CACNA2D1: variants seen among roughly 807,000 people sequenced by gnomAD.
CACNA2D1 encodes the protein calcium voltage-gated channel auxiliary subunit alpha2delta 1.
In CACNA2D1, 53 loss-of-function variants were observed where a neutral mutation model predicts 171.5. The observed-to-expected ratio is 0.31, with a 90% CI of 0.25 to 0.39. CACNA2D1 has a LOEUF of 0.39. CACNA2D1 is among the 10% of genes least tolerant of loss of function. The pLI, the probability that CACNA2D1 is intolerant of heterozygous loss-of-function variation, is 1.00. For missense variants in CACNA2D1, 903 were observed against 1,299.8 expected (o/e 0.69, Z 4.69); for synonymous variants, 442 against 443.1 (o/e 1.00, Z 0.03).
chr7:81,950,587 A>G (rs1278533984), intron 38 of CACNA2D1, 79 bp from the exon 39 acceptor site: 12 of 1,516,336 alleles, frequency 7.9e-6, no homozygotes, highest in Non-Finnish European at 1.1e-5. Context: ...CACATCTTTC[A>G]GAGTAATCCA....
intron 3 of CACNA2D1, among the ~76,000 whole-genome samples, chr7:82,203,541 T>G (rs1799698126): frequency 6.6e-6 from 1 of 152,150 alleles, no homozygotes; most frequent in South Asian, 2.1e-4. Flanking sequence ...TGCCTAGAAT[T>G]ATGATGGTGC....
Position 82,012,229 on chromosome 7 carries a change from A to G in CACNA2D1, c.1287T>C (p.Val429=). The G allele has an allele frequency of 6.3e-7, 1 of 1,598,858 alleles. No homozygotes were observed. Among genetic ancestry groups the G allele is most frequent in the Non-Finnish European group, 8.6e-7 (1 of 1,167,826 alleles). ...CTGCTAAAACCATTGGTCTTCCCAA[A>G]ACATCCAAATATTCCTGTTTATGGG... is the stretch of plus-strand genomic sequence containing the variant. ...IRINTQEYLD[V]LGRPMVLAGD... Residue 429 remains valine, a synonymous_variant, in exon 15 of 39, where the codon GTT becomes GTC. Transcript: ENST00000356860.
chr7:82,282,702 T>TGGGG (rs1491274328), intron 3 of CACNA2D1, among the ~76,000 whole-genome samples: 2 of 105,056 alleles, frequency 1.9e-5, no homozygotes, highest in African/African-American at 7.8e-5. Context: ...AATTGTAAAA[T>TGGGG]GTGGGGGGGG....
intron 3 of CACNA2D1, among the ~76,000 whole-genome samples, chr7:82,213,779 T>C (rs1800809588): frequency 6.6e-6 from 1 of 152,074 alleles, no homozygotes; most frequent in Admixed American, 6.6e-5. Flanking sequence ...GACTCAGGCT[T>C]TTTTTTAGCC....
intron 3 of CACNA2D1, among the ~76,000 whole-genome samples, chr7:82,247,611 G>A (rs1307365821): frequency 6.6e-6 from 1 of 152,176 alleles, no homozygotes; most frequent in Non-Finnish European, 1.5e-5. Context: ...GAATCAGCTA[G>A]TGCTTTATCA....
At chr7:82,259,582 CAG>C (rs1470724019) in intron 3 of CACNA2D1, among the ~76,000 whole-genome samples, 12 of 152,208 alleles carry the variant, frequency 7.9e-5, no homozygotes, top group African/African-American at 2.9e-4. Context: ...CTAAATACTA[CAG>C]AGTGATGAAA....
chr7:82,176,247 T>A (rs1325092432), intron 3 of CACNA2D1, among the ~76,000 whole-genome samples: 1 of 152,024 alleles, frequency 6.6e-6, no homozygotes, highest in Non-Finnish European at 1.5e-5. Flanking sequence ...CATAACAGCA[T>A]AATACTTCCA....
intron 18 of CACNA2D1, among the ~76,000 whole-genome samples, chr7:81,997,716 G>T (rs1021011231): frequency 6.0e-5 from 9 of 150,326 alleles, no homozygotes; most frequent in Non-Finnish European, 1.0e-4. Flanking sequence ...GTCTACACTT[G>T]CCAAGTAAAA....
intron 3 of CACNA2D1, among the ~76,000 whole-genome samples, chr7:82,182,768 T>C (rs1209148428): frequency 6.6e-6 from 1 of 152,090 alleles, no homozygotes; most frequent in Non-Finnish European, 1.5e-5. Context: ...CCAGGCACGG[T>C]GGGTCCCACC....
At chr7:82,215,018 A>T (rs188205466) in intron 3 of CACNA2D1, among the ~76,000 whole-genome samples, 1 of 152,204 alleles carries the variant, frequency 6.6e-6, no homozygotes, top group Non-Finnish European at 1.5e-5. Context: ...CAATAGTCCC[A>T]TAGAGAGTTT....
chr7:81,970,242 G>C (rs1795130994), intron 27 of CACNA2D1, among the ~76,000 whole-genome samples: 1 of 151,372 alleles, frequency 6.6e-6, no homozygotes, highest in African/African-American at 2.4e-5. Flanking sequence ...AAGTTAATAG[G>C]TCAATTAATG....
chr7:82,375,259 C>G (rs1008943386), intron 1 of CACNA2D1, among the ~76,000 whole-genome samples: 1 of 152,098 alleles, frequency 6.6e-6, no homozygotes, highest in African/African-American at 2.4e-5. Flanking sequence ...CTGTCTTACC[C>G]CATCACCCTC....
At chr7:82,439,359 G>T (rs1235162856) in intron 1 of CACNA2D1, among the ~76,000 whole-genome samples, 1 of 151,788 alleles carries the variant, frequency 6.6e-6, no homozygotes, top group Non-Finnish European at 1.5e-5. Flanking sequence ...GTATTTTATT[G>T]TTAGTTTTAT....
intron 19 of CACNA2D1, among the ~76,000 whole-genome samples, chr7:81,996,794 C>A (rs1798091191): frequency 6.6e-6 from 1 of 151,830 alleles, no homozygotes; most frequent in Non-Finnish European, 1.5e-5. Flanking sequence ...ATGACAGCTT[C>A]TACTCATGCT....
chr7:82,126,554 C>T (rs258690), intron 5 of CACNA2D1, among the ~76,000 whole-genome samples: 85,989 of 151,896 alleles, frequency 0.57, 24,631 homozygotes, highest in Middle Eastern at 0.66. Context: ...AAGTGAAATC[C>T]GCCCAATTTC....
intron 5 of CACNA2D1, among the ~76,000 whole-genome samples, chr7:82,133,403 C>T (rs894910336): frequency 6.6e-6 from 1 of 152,098 alleles, no homozygotes; most frequent in Non-Finnish European, 1.5e-5. Flanking sequence ...CAGTGAAAAA[C>T]TATTTGAATG....
intron 6 of CACNA2D1, among the ~76,000 whole-genome samples, chr7:82,096,375 T>C (rs946899297): frequency 2.3e-4 from 35 of 152,054 alleles, no homozygotes; most frequent in African/African-American, 8.5e-4. Flanking sequence ...TTCTAACACT[T>C]TACTGGAAGA....
intron 6 of CACNA2D1, among the ~76,000 whole-genome samples, chr7:82,109,020 A>G (rs561382549): frequency 2.0e-5 from 3 of 152,294 alleles, no homozygotes; most frequent in African/African-American, 7.2e-5. Context: ...CTTAGCACTT[A>G]ATCAGATTTC....
At chr7:82,263,299 T>C (rs956170609) in intron 3 of CACNA2D1, among the ~76,000 whole-genome samples, 2 of 151,710 alleles carry the variant, frequency 1.3e-5, no homozygotes, top group Non-Finnish European at 2.9e-5. Flanking sequence ...TTAGTAGAGA[T>C]GGGGTTTCAC....
Sources: gnomAD v4.1 joint callset for allele counts (sites outside exome capture counted in the v4.1 genomes callset) on GRCh38, gnomAD v4.1.1 for gene constraint, MANE v1.5 for transcripts, NCBI Gene and HGNC (gene_info 2026-07-23, HGNC 2026-07-21) for gene names.